The following PCDHB1 variants were observed in gnomAD, a reference collection of about 807,000 sequenced individuals.
PCDHB1 encodes protocadherin beta 1.
Under a neutral mutation model 43.5 loss-of-function variants are expected in PCDHB1, and 44 were observed. That is an observed-to-expected ratio of 1.01 (90% CI 0.79 to 1.30). The LOEUF (loss-of-function observed/expected upper bound fraction) is 1.30, where lower values mean the gene tolerates loss of function less well. PCDHB1 is among the 50% of genes most tolerant of loss of function. The pLI, the probability that PCDHB1 is intolerant of heterozygous loss-of-function variation, is 0.00. For synonymous variants in PCDHB1, 392 were observed against 400.8 expected, an observed-to-expected ratio of 0.98 and a Z score of 0.26; for missense variants, 919 against 1,008.9, an observed-to-expected ratio of 0.91 and a Z score of 1.21.
chr5:141,053,083 G>A lies in PCDHB1; in HGVS notation c.1613G>A (p.Gly538Asp). The change falls in exon 1 of 1, where the codon GGC becomes GAC. Residue 538 changes from glycine to aspartate, a missense_variant. Transcript: ENST00000306549. ...TTTGTGGTAAAGGCAACTGATGGGG[G>A]CTTCCTGTCACTGAGTAGCCAAGTT... Reference protein sequence around the residue: ...FQFVVKATDGGFLSLSSQVTV... With the variant: ...FQFVVKATDGDFLSLSSQVTV... 1 of 1,614,186 alleles carries A rather than the reference G, an allele frequency of 6.2e-7. No homozygotes were observed. Among genetic ancestry groups the A allele is most frequent in the Non-Finnish European group, 8.5e-7 (1 of 1,180,020 alleles).
chr5:141,054,099 T>C lies in PCDHB1; in HGVS notation c.*172T>C, dbSNP rs1402707075. 10 of 589,860 alleles carry C rather than the reference T, an allele frequency of 1.7e-5. No individual in the cohort carries two copies. Among genetic ancestry groups the C allele is most frequent in the Non-Finnish European group, 2.7e-5 (9 of 335,298 alleles). The allele number at this position is 589,860 out of a possible 1,614,324, so 36.5% of individuals were successfully genotyped here. A position where few individuals can be genotyped will look rare whatever the true frequency, so the allele number is the denominator to read the frequency against. On this transcript the variant is annotated 3_prime_UTR_variant, in exon 1 of 1. Coordinates refer to ENST00000306549, the MANE Select transcript of PCDHB1 (RefSeq NM_013340.4). The stretch of plus-strand genomic sequence containing the variant: ...CTAGAGTGAGGCTAGGCTTACTCAA[T>C]ACAAAGCAGTTATCCTGATCCCCAG...
At position 141,051,936 on chromosome 5, in the gene PCDHB1, A is replaced by G; in HGVS notation, c.466A>G (p.Ser156Gly). The G allele has an allele frequency of 6.2e-7, 1 of 1,614,110 alleles. No homozygotes were observed. The highest frequency in any genetic ancestry group is 8.5e-7 in the Non-Finnish European group (1 of 1,180,030). ...TPLGSRFPLQ[S>G]AQDLDVGLNG... ...TTTGGGTTCACGTTTTCCTCTGCAG[A>G]GCGCCCAGGATCTGGACGTGGGCCT... Residue 156 changes from serine to glycine, a missense_variant, in exon 1 of 1, where the codon AGC (serine) becomes GGC (glycine). Ser to Gly is a moderately conservative substitution (Grantham distance 56). Transcript: ENST00000306549.
chr5:141,053,145 C>A lies in PCDHB1; in HGVS notation c.1675C>A (p.Arg559Ser). 6.2e-7 allele frequency: 1 copy of A among 1,614,190 alleles called. No individual in the cohort carries two copies. The highest frequency in any genetic ancestry group is 1.3e-5 in the African/African-American group (1 of 75,056). The change falls in exon 1 of 1, where the codon CGT (arginine) becomes AGT (serine). Residue 559 changes from arginine (R) to serine (S), a missense_variant. By Grantham distance (110) the Arg-to-Ser change is moderately radical. Transcript: ENST00000306549. ...RVVVLDDNDN[R>S]PMILYPLQNG... ...GGTTGTCCTAGATGACAATGACAAT[C>A]GTCCAATGATCTTATACCCACTGCA... is the stretch of plus-strand genomic sequence containing the variant.
chr5:141,052,106 TACGGCGGTGG>T lies in PCDHB1; in HGVS notation c.644_653del (p.Val215GlyfsTer47). 1 of 1,613,646 alleles carries T rather than the reference TACGGCGGTGG, an allele frequency of 6.2e-7. No individual in the cohort carries two copies. Among genetic ancestry groups the T allele is most frequent in the Non-Finnish European group, 8.5e-7 (1 of 1,179,818 alleles). On this transcript the variant is annotated frameshift_variant, in exon 1 of 1. Transcript: ENST00000306549. LOFTEE classifies it high-confidence loss of function. Reference sequence around the variant, plus strand: ...AGCAGCCTGAAGTCAACTTGACAATTACGGCGGTGGACGGCGGGTCCCCGCCTAAGTCTGG... The same window carrying T: ...AGCAGCCTGAAGTCAACTTGACAATTACGGCGGGTCCCCGCCTAAGTCTGG...
rs1554267663 is a variant in PCDHB1 at position 141,054,695 on chromosome 5, T to TTTTG, written c.*771_*772insGTTT. ...AATTAGATGTAGTTGTTTTTTTTTT[T>TTTTG]TTTTTTTTTTTTTTTGAGACGGAGT... On this transcript the variant is annotated 3_prime_UTR_variant, in exon 1 of 1. Transcript: ENST00000306549. The TTTTG allele has an allele frequency of 7.1e-6, 1 of 140,346 alleles. No homozygotes were observed. The highest frequency in any genetic ancestry group is 2.8e-5 in the African/African-American group (1 of 36,332). The allele number at this position is 140,346 out of a possible 1,614,324, so 8.7% of individuals were successfully genotyped here.
At position 141,053,212 on chromosome 5, in the gene PCDHB1, C is replaced by A; in HGVS notation, c.1742C>A (p.Ala581Glu). 6.2e-7 allele frequency: 1 copy of A among 1,614,154 alleles called. No homozygotes were observed. Among genetic ancestry groups the A allele is most frequent in the Non-Finnish European group, 8.5e-7 (1 of 1,179,992 alleles). The part of the protein sequence containing the change: ...LPCNDLVPRS[A>E]EAGYLVTKVV... The stretch of plus-strand genomic sequence containing the variant: ...TGCAATGACCTGGTGCCCAGGTCTG[C>A]AGAGGCAGGCTACCTAGTGACCAAA... Residue 581 changes from alanine (A) to glutamate (E), a missense_variant, in exon 1 of 1, where the codon GCA becomes GAA. Transcript: ENST00000306549.
chr5:141,057,873 A>T lies in PCDHB1; in HGVS notation c.*3946A>T, dbSNP rs1751167059. The T allele has an allele frequency of 6.6e-6, 1 of 152,198 alleles. No homozygotes were observed. The highest frequency in any genetic ancestry group is 2.4e-5 in the African/African-American group (1 of 41,440). The allele number at this position is 152,198 out of a possible 1,614,324, so 9.4% of individuals were successfully genotyped here. A position where few individuals can be genotyped will look rare whatever the true frequency, so the allele number is the denominator to read the frequency against. ...TCTCTATCAGCAAATTAAGACAAAG[A>T]ATGGAAATAATTAGGGCAATTACTC... On this transcript the variant is annotated 3_prime_UTR_variant, in exon 1 of 1. Transcript: ENST00000306549.
rs370497604 is a variant in PCDHB1, at chr5:141,057,540, C to CAAAAAAAAAAA, written c.*3621_*3631dup. ...CTGGCGACAAAGCAAGACTCTGTCT[C>CAAAAAAAAAAA]AAAAAAAAAAAAAAAAAAGAAAAAA... On this transcript the variant is annotated 3_prime_UTR_variant, in exon 1 of 1. Coordinates refer to ENST00000306549, the MANE Select transcript of PCDHB1 (RefSeq NM_013340.4). 1 of 72,348 alleles carries CAAAAAAAAAAA rather than the reference C, an allele frequency of 1.4e-5. No individual in the cohort carries two copies. Among genetic ancestry groups the CAAAAAAAAAAA allele is most frequent in the African/African-American group, 5.1e-5 (1 of 19,556 alleles). The allele number at this position is 72,348 out of a possible 1,614,324, so 4.5% of individuals were successfully genotyped here.
chr5:141,051,637 T>C lies in PCDHB1; in HGVS notation c.167T>C (p.Val56Ala), dbSNP rs782437048. The change falls in exon 1 of 1, where the codon GTA becomes GCA. Residue 56 changes from valine (V) to alanine (A), a missense_variant. Physicochemically the swap from Val to Ala is moderately conservative, Grantham distance 64. Transcript: ENST00000306549. ...GTAGCTAAGGACCTAGGACTGGAGG[T>C]AGGGAAGCTGGCTGCGCGCGGGGCG... ...ANVAKDLGLE[V>A]GKLAARGARL... is the part of the protein sequence containing the mutation. 1.2e-6 allele frequency: 2 copies of C among 1,614,036 alleles called. No individual in the cohort carries two copies. Among genetic ancestry groups the C allele is most frequent in the Admixed American group, 1.7e-5 (1 of 60,012 alleles).
In PCDHB1 at chr5:141,053,708, T is replaced by C. The variant is rs1554267504; in HGVS notation, c.2238T>C (p.Asn746=). 4 of 1,613,988 alleles carry C rather than the reference T, an allele frequency of 2.5e-6. No homozygotes were observed. Among genetic ancestry groups the C allele is most frequent in the Non-Finnish European group, 1.7e-6 (2 of 1,179,810 alleles). The change falls in exon 1 of 1, where the codon AAT becomes AAC. Residue 746 remains asparagine, a synonymous_variant. Transcript: ENST00000306549. ...FSNNLVQGQG[N]GSLSRPCPYE... Reference sequence around the variant, plus strand: ...ACAACCTGGTACAAGGACAAGGCAATGGATCCTTATCTCGGCCTTGTCCAT... The same window carrying C: ...ACAACCTGGTACAAGGACAAGGCAACGGATCCTTATCTCGGCCTTGTCCAT...
At position 141,054,144 on chromosome 5, in the gene PCDHB1, T is replaced by C. The variant is rs1751072483; in HGVS notation, c.*217T>C. 2 of 470,182 alleles carry C rather than the reference T, an allele frequency of 4.3e-6. No individual in the cohort carries two copies. Among genetic ancestry groups the C allele is most frequent in the Non-Finnish European group, 7.5e-6 (2 of 266,368 alleles). 29.1% of individuals were successfully genotyped at this position (470,182 alleles called of 1,614,324 possible). On this transcript the variant is annotated 3_prime_UTR_variant, in exon 1 of 1. Coordinates refer to ENST00000306549, the MANE Select transcript of PCDHB1 (RefSeq NM_013340.4). ...CCCCAGATCATATATCTATAACCCT[T>C]TCTCCAGTTGGAATTCTGTTTAAAG...
chr5:141,052,347 C>T lies in PCDHB1; in HGVS notation c.877C>T (p.Gln293Ter), dbSNP rs1751004318. 1 of 1,614,148 alleles carries T rather than the reference C, an allele frequency of 6.2e-7. No homozygotes were observed. The highest frequency in any genetic ancestry group is 1.3e-5 in the African/African-American group (1 of 74,954). ...CCCAGAAGCAATTCTCAAGACGTTT[C>T]AGATTGACCCTCAAAATGGAGAAGT... The part of the protein sequence containing the change: ...QNPEAILKTF[Q>*]IDPQNGEVRL... The change falls in exon 1 of 1, where the codon CAG (glutamine) becomes TAG (stop). Residue 293 changes from glutamine (Q) to a stop codon, truncating the protein, a stop_gained. Transcript: ENST00000306549. LOFTEE classifies it high-confidence loss of function.
chr5:141,053,350 C>CATTA lies in PCDHB1; in HGVS notation c.1882_1885dup (p.Arg629IlefsTer6). 3 of 1,614,146 alleles carry CATTA rather than the reference C, an allele frequency of 1.9e-6. No individual in the cohort carries two copies. Among genetic ancestry groups the CATTA allele is most frequent in the Non-Finnish European group, 2.5e-6 (3 of 1,179,994 alleles). ...CAAAGACAAAATGGAGAAATCCATA[C>CATTA]ATTAAGGCAGATATCTGAGAGAGAC... On this transcript the variant is annotated frameshift_variant, in exon 1 of 1. Coordinates refer to ENST00000306549, the MANE Select transcript of PCDHB1 (RefSeq NM_013340.4). LOFTEE classifies it high-confidence loss of function.
At position 141,053,039 on chromosome 5, in the gene PCDHB1, G is replaced by T; in HGVS notation, c.1569G>T (p.Glu523Asp). Residue 523 changes from glutamate to aspartate, a missense_variant, in exon 1 of 1, where the codon GAG (glutamate) becomes GAT (aspartate). Glu to Asp is a conservative substitution (Grantham distance 45). Coordinates refer to ENST00000306549, the MANE Select transcript of PCDHB1 (RefSeq NM_013340.4). ...ACGCGCTGAGAACCATGGATTATGAGGCCATTCAAGATTTTCAATTTGTGG... is the reference window on the plus strand; with the variant it reads ...ACGCGCTGAGAACCATGGATTATGATGCCATTCAAGATTTTCAATTTGTGG... The part of the protein sequence containing the change: ...KLYALRTMDY[E>D]AIQDFQFVVK... The T allele has an allele frequency of 6.2e-7, 1 of 1,614,156 alleles. No homozygotes were observed. The highest frequency in any genetic ancestry group is 2.2e-5 in the East Asian group (1 of 44,880).
chr5:141,054,067 G>A lies in PCDHB1; in HGVS notation c.*140G>A, dbSNP rs1233216585. 6 of 689,396 alleles carry A rather than the reference G, an allele frequency of 8.7e-6. No individual in the cohort carries two copies. Among genetic ancestry groups the A allele is most frequent in the Non-Finnish European group, 1.4e-5 (6 of 418,262 alleles). 42.7% of individuals were successfully genotyped at this position (689,396 alleles called of 1,614,324 possible). Reference sequence around the variant, plus strand: ...TAAGAGTACTTAGTTTGGTGAAAATGGGAAACCTAGAGTGAGGCTAGGCTT... The same window carrying A: ...TAAGAGTACTTAGTTTGGTGAAAATAGGAAACCTAGAGTGAGGCTAGGCTT... On this transcript the variant is annotated 3_prime_UTR_variant, in exon 1 of 1. Coordinates refer to ENST00000306549, the MANE Select transcript of PCDHB1 (RefSeq NM_013340.4).
In PCDHB1 at chr5:141,052,201, G is replaced by A. The variant is rs376346263; in HGVS notation, c.731G>A (p.Arg244Gln). 7 of 1,614,016 alleles carry A rather than the reference G, an allele frequency of 4.3e-6. 1 individual carries two copies. The South Asian group carries it at 4.4e-5, about 10-fold the overall frequency. Reference protein sequence around the residue: ...DVNDHVPQFSRLVYRAQVSEN... With the variant: ...DVNDHVPQFSQLVYRAQVSEN... Reference sequence around the variant, plus strand: ...AACGACCACGTGCCCCAGTTCTCGCGACTGGTGTACAGAGCCCAGGTATCA... The same window carrying A: ...AACGACCACGTGCCCCAGTTCTCGCAACTGGTGTACAGAGCCCAGGTATCA... Residue 244 changes from arginine (R) to glutamine (Q), a missense_variant, in exon 1 of 1, where the codon CGA becomes CAA. Arg to Gln is a conservative substitution (Grantham distance 43, BLOSUM62 1). Transcript: ENST00000306549.
rs781949354 is a variant in PCDHB1 at position 141,053,811 on chromosome 5, C to T, written c.2341C>T (p.Pro781Ser). ...GCGTTTTATGCCCAACTTCCCTTTC[C>T]CTCATGCCACTGGGGAGATAAAAAT... ...LKRFMPNFPF[P>S]HATGEIKMEA... The change falls in exon 1 of 1, where the codon CCT becomes TCT. Residue 781 changes from proline to serine, a missense_variant. Physicochemically the swap from Pro to Ser is moderately conservative, Grantham distance 74 (BLOSUM62 -1). Transcript: ENST00000306549. 6 of 1,614,134 alleles carry T rather than the reference C, an allele frequency of 3.7e-6. No individual in the cohort carries two copies. In the South Asian group the frequency reaches 5.5e-5, roughly 15 times the overall value.
rs374502259 is a variant in PCDHB1 at position 141,053,450 on chromosome 5, C to T, written c.1980C>T (p.Asn660=). The change falls in exon 1 of 1, where the codon AAC becomes AAT. Residue 660 remains asparagine (N), a synonymous_variant. Coordinates refer to ENST00000306549, the MANE Select transcript of PCDHB1 (RefSeq NM_013340.4). The part of the protein sequence containing the change: ...QPALSTTVSL[N]ILLVDGFSEP... ...CTCTTTCCACTACTGTCTCACTCAA[C>T]ATCCTGCTGGTAGATGGCTTTTCAG... is the stretch of plus-strand genomic sequence containing the variant. 4.3e-5 allele frequency: 70 copies of T among 1,614,080 alleles called. 3 individuals are homozygous for T. Among genetic ancestry groups the T allele is most frequent in the East Asian group, 3.6e-4 (16 of 44,898 alleles).
chr5:141,054,142 C>CCTG lies in PCDHB1; in HGVS notation c.*215_*216insCTG. 1 of 477,016 alleles carries CCTG rather than the reference C, an allele frequency of 2.1e-6. No homozygotes were observed. The allele number at this position is 477,016 out of a possible 1,614,324, so 29.5% of individuals were successfully genotyped here. A position where few individuals can be genotyped will look rare whatever the true frequency, so the allele number is the denominator to read the frequency against. ...ATCCCCAGATCATATATCTATAACC[C>CCTG]TTTCTCCAGTTGGAATTCTGTTTAA... On this transcript the variant is annotated 3_prime_UTR_variant, in exon 1 of 1. Coordinates refer to ENST00000306549, the MANE Select transcript of PCDHB1 (RefSeq NM_013340.4).
Sources: allele counts gnomAD v4.1 joint callset, GRCh38; gene constraint gnomAD v4.1.1; transcripts MANE v1.5; gene names NCBI Gene and HGNC (gene_info 2026-07-23, HGNC 2026-07-21).